PCDHGB5: variants seen among roughly 807,000 people sequenced by gnomAD.
PCDHGB5 encodes the protein protocadherin gamma subfamily B, 5.
A neutral mutation model predicts 62.9 loss-of-function variants in PCDHGB5; 48 were observed. That is an observed-to-expected ratio of 0.76 (90% CI 0.61 to 0.97). PCDHGB5 has a LOEUF of 0.97. Ranked by LOEUF, PCDHGB5 falls within the 50% of genes least tolerant of loss-of-function variation. The pLI, the probability that PCDHGB5 is intolerant of heterozygous loss-of-function variation, is 0.00. For synonymous variants in PCDHGB5, 474 were observed against 511.2 expected, an observed-to-expected ratio of 0.93 and a Z score of 0.98; for missense variants, 1,118 against 1,198.6, an observed-to-expected ratio of 0.93 and a Z score of 0.99.
intron 1 of PCDHGB5, among the ~76,000 whole-genome samples, chr5:141,434,824 A>ACTTG (rs1561875192): frequency 1.3e-5 from 2 of 151,888 alleles, no homozygotes; most frequent in African/African-American, 4.8e-5. Flanking sequence ...CCCTTAGTAC[A>ACTTG]CTTGGCATTT....
rs770468191 is a variant in PCDHGB5, at chr5:141,478,296, A to G, written c.2398-16511A>G. On this transcript the variant is annotated intron_variant, in intron 1 of 3. Coordinates refer to ENST00000617380, the MANE Select transcript of PCDHGB5 (RefSeq NM_018925.3). ...AAGTGGAAGCAGTCTAGAGACCTAT[A>G]CCGAGCCCCGGTGAGCTCACTGTAC... is the stretch of plus-strand genomic sequence containing the variant. The G allele has an allele frequency of 9.3e-6, 15 of 1,613,962 alleles. No individual in the cohort carries two copies. Among genetic ancestry groups the G allele is most frequent in the African/African-American group, 6.7e-5 (5 of 74,930 alleles).
At chr5:141,474,881 C>A (rs2099356099) in intron 1 of PCDHGB5, among the ~76,000 whole-genome samples, 1 of 152,244 alleles carries the variant, frequency 6.6e-6, no homozygotes, top group South Asian at 2.1e-4. Context: ...AGCAGGAACT[C>A]TTAGAGGTTC....
intron 1 of PCDHGB5, among the ~76,000 whole-genome samples, chr5:141,479,129 C>T (rs2099488562): frequency 6.6e-6 from 1 of 152,154 alleles, no homozygotes; most frequent in South Asian, 2.1e-4. Context: ...AAATGATGTG[C>T]ACCCTGCTTA....
At chr5:141,497,855 C>T (rs1447484949) in intron 2 of PCDHGB5, among the ~76,000 whole-genome samples, 1 of 152,122 alleles carries the variant, frequency 6.6e-6, no homozygotes, top group Non-Finnish European at 1.5e-5. Flanking sequence ...ATTTTTGATT[C>T]AGCGGCTCCA....
intron 1 of PCDHGB5, among the ~76,000 whole-genome samples, chr5:141,425,997 A>T (rs1365887915): frequency 6.6e-6 from 1 of 152,174 alleles, no homozygotes; most frequent in African/African-American, 2.4e-5. Context: ...GAATTAGCAA[A>T]GGCTTCCGGC....
chr5:141,403,212 C>T (rs755734755), intron 1 of PCDHGB5: 8 of 1,613,834 alleles, frequency 5.0e-6, no homozygotes, highest in East Asian at 2.2e-5. Context: ...TTGGTCACCG[C>T]GGGTAGGATA....
At chr5:141,409,507 T>C (rs1220086382) in intron 1 of PCDHGB5, 3 of 1,613,982 alleles carry the variant, frequency 1.9e-6, no homozygotes, top group South Asian at 1.1e-5. Flanking sequence ...TTTCTTCCAG[T>C]AGAAGCATCA....
intron 1 of PCDHGB5, chr5:141,421,969 T>C (rs1039340340): frequency 1.2e-6 from 2 of 1,611,188 alleles, no homozygotes; most frequent in Admixed American, 1.7e-5. Flanking sequence ...ACAGTCCGTA[T>C]ATCGCGTGAG....
At position 141,485,929 on chromosome 5, in the gene PCDHGB5, G is replaced by A; in HGVS notation, c.2398-8878G>A. 1 of 1,614,150 alleles carries A rather than the reference G, an allele frequency of 6.2e-7. No homozygotes were observed. The highest frequency in any genetic ancestry group is 8.5e-7 in the Non-Finnish European group (1 of 1,180,036). ...AATCCAGCTACAGGATTAGTGTGTT[G>A]GAGAGCGCACCAGCGGGCATGGTGC... On this transcript the variant is annotated intron_variant, in intron 1 of 3. Coordinates refer to ENST00000617380, the MANE Select transcript of PCDHGB5 (RefSeq NM_018925.3). This position sits in a 1 kb window ranked among gnomAD's most constrained non-coding sequence, Gnocchi z 5.7.
chr5:141,413,485 G>C lies in PCDHGB5; in HGVS notation c.2397+12961G>C, dbSNP rs184712199. ...CCGGGAGGAGCTCTGCGCTCAGAGC[G>C]CGCGGTGCGTGGTGAGTTTTAATAT... is the stretch of plus-strand genomic sequence containing the variant. On this transcript the variant is annotated intron_variant, in intron 1 of 3. Coordinates refer to ENST00000617380, the MANE Select transcript of PCDHGB5 (RefSeq NM_018925.3). 439 of 1,614,058 alleles carry C rather than the reference G, an allele frequency of 2.7e-4. 1 individual carries two copies. In the African/African-American group the frequency reaches 4.6e-3, roughly 17 times the overall value.
At chr5:141,466,279 T>A (rs1386803685) in intron 1 of PCDHGB5, among the ~76,000 whole-genome samples, 1 of 152,144 alleles carries the variant, frequency 6.6e-6, no homozygotes, top group Non-Finnish European at 1.5e-5. Flanking sequence ...CAAGCAATCT[T>A]CCCACCTCAG....
At chr5:141,417,872 T>G (rs2096175848) in intron 1 of PCDHGB5, 5 of 1,555,026 alleles carry the variant, frequency 3.2e-6, no homozygotes, top group African/African-American at 1.4e-5. Flanking sequence ...GGGAGGGAGC[T>G]GCGCGCAGAG....
chr5:141,432,887 T>A lies in PCDHGB5; in HGVS notation c.2397+32363T>A, dbSNP rs146168033. On this transcript the variant is annotated intron_variant, in intron 1 of 3. Coordinates refer to ENST00000617380, the MANE Select transcript of PCDHGB5 (RefSeq NM_018925.3). The surrounding 1 kb of genome is among the most constrained non-coding windows in gnomAD (Gnocchi z 6.0). ...CTGCGTCTTCCTGGCCTTCGTCATC[T>A]TGCTGCTGGCGCTCAGGCTGCGGCG... 1.2e-6 allele frequency: 2 copies of A among 1,614,056 alleles called. No homozygotes were observed. Among genetic ancestry groups the A allele is most frequent in the Non-Finnish European group, 1.7e-6 (2 of 1,179,998 alleles).
chr5:141,401,342 C>CA (rs929380194), intron 1 of PCDHGB5, among the ~76,000 whole-genome samples: 26 of 150,494 alleles, frequency 1.7e-4, no homozygotes, highest in East Asian at 1.6e-3. Context: ...AACTCCATCT[C>CA]AAAAAAAAGG....
Position 141,487,193 on chromosome 5 carries a change from C to T in PCDHGB5, c.2398-7614C>T. 6.2e-7 allele frequency: 1 copy of T among 1,613,784 alleles called. No individual in the cohort carries two copies. Among genetic ancestry groups the T allele is most frequent in the Non-Finnish European group, 8.5e-7 (1 of 1,179,724 alleles). On this transcript the variant is annotated intron_variant, in intron 1 of 3. Transcript: ENST00000617380. The surrounding 1 kb of genome is among the most constrained non-coding windows in gnomAD (Gnocchi z 5.0). ...AGAGGAAGACACTCATCCAGTTGTC[C>T]CAGATCTTCGAGAATCTTCAGCTCC...
chr5:141,411,174 A>T (rs574627520), intron 1 of PCDHGB5: 4 of 152,400 alleles, frequency 2.6e-5, no homozygotes, highest in African/African-American at 7.2e-5. Flanking sequence ...GAACAGAAGC[A>T]GTGGTCTTGG....
Position 141,423,176 on chromosome 5 carries a change from A to C in PCDHGB5, c.2397+22652A>C, listed in dbSNP as rs781125798. Reference sequence around the variant, plus strand: ...AGCCTCGTGGTGGCCGTCCAGGACCACGGCCAGCCCCCTCTCTCGGCCACC... The same window carrying C: ...AGCCTCGTGGTGGCCGTCCAGGACCCCGGCCAGCCCCCTCTCTCGGCCACC... On this transcript the variant is annotated intron_variant, in intron 1 of 3. Transcript: ENST00000617380. 1.7e-5 allele frequency: 28 copies of C among 1,613,356 alleles called. No homozygotes were observed. In the African/African-American group the frequency reaches 3.6e-4, roughly 21 times the overall value.
In PCDHGB5 at chr5:141,431,243, A is replaced by G; in HGVS notation, c.2397+30719A>G. 1 of 1,614,154 alleles carries G rather than the reference A, an allele frequency of 6.2e-7. No homozygotes were observed. Among genetic ancestry groups the G allele is most frequent in the Non-Finnish European group, 8.5e-7 (1 of 1,180,034 alleles). ...TCTACCCCACGCCTGGGATCCGGAT[A>G]TCGGGAAGAACTCTCTGCAGAGCTA... On this transcript the variant is annotated intron_variant, in intron 1 of 3. Coordinates refer to ENST00000617380, the MANE Select transcript of PCDHGB5 (RefSeq NM_018925.3). This position sits in a 1 kb window ranked among gnomAD's most constrained non-coding sequence, Gnocchi z 4.8.
intron 1 of PCDHGB5, chr5:141,421,633 G>C (rs1369645749): frequency 1.9e-6 from 3 of 1,613,716 alleles, no homozygotes; most frequent in Non-Finnish European, 2.5e-6. Context: ...CAGCTTCCAG[G>C]AGGACGAAGT....
Sources: gnomAD v4.1 joint callset for allele counts (sites outside exome capture counted in the v4.1 genomes callset) on GRCh38, gnomAD v4.1.1 for gene constraint, Gnocchi (gnomAD v3.1) non-coding constraint, MANE v1.5 for transcripts, NCBI Gene and HGNC (gene_info 2026-07-23, HGNC 2026-07-21) for gene names.